Variants in RNF213 observed in about 807,000 individuals in gnomAD.
The protein encoded by RNF213 is E3 ubiquitin-protein ligase RNF213.
A neutral mutation model predicts 514.4 loss-of-function variants in RNF213; 341 were observed. The observed-to-expected ratio is 0.66, with a 90% CI of 0.61 to 0.73. The LOEUF (loss-of-function observed/expected upper bound fraction) is 0.73, where lower values mean the gene tolerates loss of function less well. Ranked by LOEUF, RNF213 falls within the 30% of genes least tolerant of loss-of-function variation. The probability of loss-of-function intolerance (pLI) is 0.00; values close to 1 mark genes in which losing one functional copy is unlikely to be tolerated. For missense variants in RNF213, 5,767 were observed against 6,615.6 expected (o/e 0.87, Z 4.45); for synonymous variants, 2,655 against 2,658.2 (o/e 1.00, Z 0.04).
intron 2 of RNF213, among the ~76,000 whole-genome samples, chr17:80,272,312 AG>A (rs2043851842): frequency 6.6e-6 from 1 of 152,214 alleles, no homozygotes. Context: ...AAATAAAAAA[AG>A]AAAAAGAAAA....
intron 46 of RNF213, among the ~76,000 whole-genome samples, chr17:80,370,748 G>A (rs1427131836): frequency 6.6e-6 from 1 of 152,212 alleles, no homozygotes; most frequent in Admixed American, 6.5e-5. Flanking sequence ...GCCGGCTGCT[G>A]TGTTCATGGA....
rs151024579 is a variant in RNF213 at position 80,264,793 on chromosome 17, C to T, written c.97+1015C>T. Among the ~76,000 whole-genome samples the T allele has an allele frequency of 9.3e-4, 142 of 152,212 alleles. 1 individual carries two copies. The highest frequency in any genetic ancestry group is 3.3e-3 in the African/African-American group (138 of 41,548). On this transcript the variant is annotated intron_variant, in intron 2 of 67. Transcript: ENST00000582970. This position sits in a 1 kb window ranked among gnomAD's most constrained non-coding sequence, Gnocchi z 5.0. The stretch of plus-strand genomic sequence containing the variant: ...CAAGCAGGAGCCCTTACGGTGGCCA[C>T]GAGGTCCTACATAGACGGCTGCCCA...
intron 2 of RNF213, among the ~76,000 whole-genome samples, chr17:80,266,347 G>A (rs758488123): frequency 6.6e-6 from 1 of 151,680 alleles, no homozygotes; most frequent in Non-Finnish European, 1.5e-5. Context: ...CTGGGAAGTC[G>A]AGGCTGCAGT....
At chr17:80,275,176 G>T (rs572165338) in intron 3 of RNF213, among the ~76,000 whole-genome samples, 3 of 149,282 alleles carry the variant, frequency 2.0e-5, no homozygotes, top group Admixed American at 2.0e-4. Flanking sequence ...AGTGGGATGT[G>T]TGTGTATGTT....
At position 80,337,603 on chromosome 17, in the gene RNF213, C is replaced by G; in HGVS notation, c.4545C>G (p.Asn1515Lys). 3.3e-6 allele frequency: 5 copies of G among 1,537,316 alleles called. No individual in the cohort carries two copies. Among genetic ancestry groups the G allele is most frequent in the Non-Finnish European group, 4.4e-6 (5 of 1,146,928 alleles). ...LPRKLCDSAR[N>K]LEWLKTVNES... ...CCCCATAGTGTGACTCCGCCAGGAA[C>G]TTGGAATGGCTGAAGACTGTGAATG... The change falls in exon 24 of 68, where the codon AAC (asparagine) becomes AAG (lysine). Residue 1515 changes from asparagine (N) to lysine (K), a missense_variant. By Grantham distance (94) the Asn-to-Lys change is moderately conservative. Around this residue, in one of 13 missense-constraint regions of RNF213, gnomAD observed 1,377 missense variants for 1,635.2 expected, o/e 0.84. Coordinates refer to ENST00000582970, the MANE Select transcript of RNF213 (RefSeq NM_001256071.3).
chr17:80,295,091 G>A, intron 9 of RNF213, 88 bp downstream of exon 9: 2 of 1,515,182 alleles, frequency 1.3e-6, no homozygotes, highest in Non-Finnish European at 1.8e-6. Flanking sequence ...GACTCTGTGG[G>A]CCAGGTTGCA....
intron 48 of RNF213, 64 bp downstream of exon 48, chr17:80,372,798 G>T (rs544126121): frequency 1.1e-4 from 162 of 1,534,514 alleles, no homozygotes; most frequent in Non-Finnish European, 1.3e-4. Context: ...AATTCAGGAA[G>T]TATGGGAAAC....
rs1267300397 is a variant in RNF213, at chr17:80,347,699, C to T, written c.9364C>T (p.His3122Tyr). The change falls in exon 29 of 68, where the codon CAC becomes TAC. Residue 3122 changes from histidine to tyrosine, a missense_variant. Physicochemically the swap from His to Tyr is moderately conservative, Grantham distance 83. Transcript: ENST00000582970. This position sits in a 1 kb window ranked among gnomAD's most constrained non-coding sequence, Gnocchi z 7.2. Reference protein sequence around the residue: ...LYDALNQYYVHLGGQKYVDLG... With the variant: ...LYDALNQYYVYLGGQKYVDLG... ...CGACGCACTCAACCAGTACTACGTCCACCTCGGCGGCCAGAAGTACGTGGA... is the reference window on the plus strand; with the variant it reads ...CGACGCACTCAACCAGTACTACGTCTACCTCGGCGGCCAGAAGTACGTGGA... The T allele has an allele frequency of 3.1e-6, 5 of 1,614,004 alleles. No individual in the cohort carries two copies. Among genetic ancestry groups the T allele is most frequent in the Admixed American group, 1.7e-5 (1 of 60,024 alleles).
intron 47 of RNF213, 102 bp downstream of exon 47, chr17:80,372,087 C>A: frequency 1.3e-6 from 1 of 763,552 alleles, no homozygotes; most frequent in Non-Finnish European, 2.4e-6. Flanking sequence ...TTAACGAATG[C>A]TCTGTTCCGT....
chr17:80,376,232 G>A lies in RNF213; in HGVS notation c.13186-69G>A, dbSNP rs2079752173. 14 of 1,551,920 alleles carry A rather than the reference G, an allele frequency of 9.0e-6. No individual in the cohort carries two copies. The South Asian group carries it at 1.5e-4, about 16-fold the overall frequency. On this transcript the variant is annotated intron_variant, in intron 51 of 67. Transcript: ENST00000582970. The stretch of plus-strand genomic sequence containing the variant: ...GATATTTGATGTGTATTTGGTGTCA[G>A]TGTATGTCTAAGAGCAATTCACACA...
At position 80,309,015 on chromosome 17, in the gene RNF213, C is replaced by G. The variant is rs774290815; in HGVS notation, c.2502-3C>G. On this transcript the variant is annotated splice_region_variant and splice_polypyrimidine_tract_variant and intron_variant, in intron 13 of 67. Transcript: ENST00000582970. ...GGATTTCTCTTAACTCTTTGCGGGG[C>G]AGGATTCCCGAGGAGGCCTTGTCAC... The G allele has an allele frequency of 2.5e-6, 4 of 1,613,792 alleles. No homozygotes were observed. The highest frequency in any genetic ancestry group is 3.4e-6 in the Non-Finnish European group (4 of 1,179,982).
rs899750403 is a variant in RNF213 at position 80,262,802 on chromosome 17, C to A, written c.-108-772C>A. Among the ~76,000 whole-genome samples the A allele has an allele frequency of 2.0e-5, 3 of 152,186 alleles. No individual in the cohort carries two copies. In the East Asian group the frequency reaches 5.8e-4, roughly 29 times the overall value. On this transcript the variant is annotated intron_variant, in intron 1 of 67. Transcript: ENST00000582970. ...TTCAGGCCCAGCCTGAGTGAGCCCA[C>A]CCCAGTGGGAGGAGAGGGCAGGGCC...
In RNF213 at chr17:80,371,986, G is replaced by GT; in HGVS notation, c.12537+2dup. 6.9e-7 allele frequency: 1 copy of GT among 1,446,362 alleles called. No individual in the cohort carries two copies. The highest frequency in any genetic ancestry group is 9.7e-7 in the Non-Finnish European group (1 of 1,026,982). 89.6% of individuals were successfully genotyped at this position (1,446,362 alleles called of 1,614,324 possible). On this transcript the variant is annotated splice_donor_variant, in intron 47 of 67. Coordinates refer to ENST00000582970, the MANE Select transcript of RNF213 (RefSeq NM_001256071.3). LOFTEE classifies it high-confidence loss of function. ...CATGCTCTTCATCAACTGCCTGGAG[G>GT]TAAGTGAACTCTCTCTTCCCTGAAT... is the stretch of plus-strand genomic sequence containing the variant.
At chr17:80,360,366 C>T (rs1346351821) in intron 38 of RNF213, 160 bp downstream of exon 38, 9 of 806,080 alleles carry the variant, frequency 1.1e-5, no homozygotes, top group African/African-American at 1.7e-5. Flanking sequence ...TACGTCACCG[C>T]GTCATTTTAA....
chr17:80,332,595 C>T lies in RNF213; in HGVS notation c.4107C>T (p.Asn1369=), dbSNP rs1240949590. ...ILQVKESLGL[N]GDFSVLNTLL... Reference sequence around the variant, plus strand: ...AGGTCAAAGAGAGCCTGGGACTGAACGGTGACTTCAGTGTTCTCAACACTT... The same window carrying T: ...AGGTCAAAGAGAGCCTGGGACTGAATGGTGACTTCAGTGTTCTCAACACTT... The change falls in exon 21 of 68, where the codon AAC becomes AAT. Residue 1369 remains asparagine (N), a synonymous_variant. Transcript: ENST00000582970. 35 of 1,521,256 alleles carry T rather than the reference C, an allele frequency of 2.3e-5. No homozygotes were observed. Among genetic ancestry groups the T allele is most frequent in the South Asian group, 4.9e-5 (4 of 82,342 alleles). 94.2% of individuals were successfully genotyped at this position (1,521,256 alleles called of 1,614,324 possible).
rs1338378854 is a variant in RNF213 at position 80,397,245 on chromosome 17, T to G, written c.*3747T>G. The G allele has an allele frequency of 6.6e-6, 1 of 152,136 alleles. No homozygotes were observed. Among genetic ancestry groups the G allele is most frequent in the Non-Finnish European group, 1.5e-5 (1 of 68,036 alleles). The allele number at this position is 152,136 out of a possible 1,614,324, so 9.4% of individuals were successfully genotyped here. A position where few individuals can be genotyped will look rare whatever the true frequency, so the allele number is the denominator to read the frequency against. The stretch of plus-strand genomic sequence containing the variant: ...TGAATGTGGGTCCTGGCTCTCCCAT[T>G]TGCCAGTTCTACAGCCATGGGCAAG... On this transcript the variant is annotated 3_prime_UTR_variant, in exon 68 of 68. Transcript: ENST00000582970.
intron 13 of RNF213, among the ~76,000 whole-genome samples, chr17:80,307,854 G>GTT (rs59352873): frequency 7.0e-4 from 91 of 130,700 alleles, no homozygotes; most frequent in East Asian, 4.8e-3. Flanking sequence ...CTGGCCGTCT[G>GTT]TTTTTTTTTT....
At chr17:80,291,001 G>T (rs1323634218) in intron 7 of RNF213, among the ~76,000 whole-genome samples, 1 of 151,996 alleles carries the variant, frequency 6.6e-6, no homozygotes, top group Non-Finnish European at 1.5e-5. Flanking sequence ...TAGAGACGGA[G>T]TTTCTACTAA....
At chr17:80,356,781 G>A (rs1393834126) in intron 36 of RNF213, among the ~76,000 whole-genome samples, 5 of 152,198 alleles carry the variant, frequency 3.3e-5, no homozygotes, top group African/African-American at 1.2e-4. Context: ...TCTGTGCACT[G>A]GGATGCTTTA....
Sources: allele counts gnomAD v4.1 joint callset (sites outside exome capture counted in the v4.1 genomes callset), GRCh38; gene constraint gnomAD v4.1.1; regional missense constraint gnomAD v4.1.1; non-coding constraint Gnocchi (gnomAD v3.1); transcripts MANE v1.5; gene names NCBI Gene and HGNC (gene_info 2026-07-23, HGNC 2026-07-21).